SDK2: variants seen among roughly 807,000 people sequenced by gnomAD.
SDK2 encodes protein sidekick-2.
SDK2 carries 105 observed loss-of-function variants against 253.9 expected under a neutral mutation model. The observed-to-expected ratio is 0.41, with a 90% CI of 0.35 to 0.49. The LOEUF (loss-of-function observed/expected upper bound fraction) is 0.49, where lower values mean the gene tolerates loss of function less well. Ranked by LOEUF, SDK2 falls within the 20% of genes least tolerant of loss-of-function variation. SDK2 has a pLI of 0.06. For synonymous variants in SDK2, 1,249 were observed against 1,234.9 expected (o/e 1.01, Z -0.24); for missense variants, 2,608 against 3,003.0 (o/e 0.87, Z 3.07).
At chr17:73,359,170 T>C (rs1339469683) in intron 39 of SDK2, among the ~76,000 whole-genome samples, 1 of 151,756 alleles carries the variant, frequency 6.6e-6, no homozygotes, top group Non-Finnish European at 1.5e-5. Context: ...AGTGCATGAG[T>C]GGGTGGCCAC....
rs1255811061 is a variant in SDK2, at chr17:73,419,317, A to G, written c.2046-11T>C. The G allele has an allele frequency of 1.2e-6, 2 of 1,610,032 alleles. No individual in the cohort carries two copies. Among genetic ancestry groups the G allele is most frequent in the African/African-American group, 2.7e-5 (2 of 74,868 alleles). ...TCGGGGAGGGAGACCCTGGATCACA[A>G]AACACCAATGCTCTTAGTCTTGGGG... On this transcript the variant is annotated splice_polypyrimidine_tract_variant and intron_variant, in intron 15 of 44. Coordinates refer to ENST00000392650, the MANE Select transcript of SDK2 (RefSeq NM_001144952.2).
intron 3 of SDK2, among the ~76,000 whole-genome samples, chr17:73,461,754 A>T (rs2063563787): frequency 1.3e-5 from 2 of 152,142 alleles, no homozygotes; most frequent in African/African-American, 4.8e-5. Flanking sequence ...GGTTGTATGT[A>T]TGTACATTTG....
chr17:73,431,381 T>C lies in SDK2; in HGVS notation c.1480+121A>G. Reference sequence around the variant, plus strand: ...GAAGGGCCCTGACTGGGACAGACACTGGGGATGGAGACACTGGTGGTATGA... The same window carrying C: ...GAAGGGCCCTGACTGGGACAGACACCGGGGATGGAGACACTGGTGGTATGA... On this transcript the variant is annotated intron_variant, in intron 11 of 44. Transcript: ENST00000392650. This position sits in a 1 kb window ranked among gnomAD's most constrained non-coding sequence, Gnocchi z 5.6. 1 of 969,702 alleles carries C rather than the reference T, an allele frequency of 1.0e-6. No homozygotes were observed. The highest frequency in any genetic ancestry group is 1.9e-5 in the South Asian group (1 of 51,736). The allele number at this position is 969,702 out of a possible 1,614,324, so 60.1% of individuals were successfully genotyped here.
At chr17:73,439,844 C>A (rs542812022) in intron 6 of SDK2, among the ~76,000 whole-genome samples, 1 of 152,312 alleles carries the variant, frequency 6.6e-6, no homozygotes, top group South Asian at 2.1e-4. Context: ...CAGCTATCAT[C>A]CAGCTGGGTG....
intron 37 of SDK2, 123 bp downstream of exon 37, chr17:73,368,284 C>G: frequency 1.1e-6 from 1 of 901,344 alleles, no homozygotes; most frequent in Non-Finnish European, 1.6e-6. Flanking sequence ...GTACCACGAC[C>G]AGATCCTCAG....
At chr17:73,397,930 A>G (rs2062985254) in intron 24 of SDK2, 105 bp downstream of exon 24, 1 of 1,282,002 alleles carries the variant, frequency 7.8e-7, no homozygotes, top group Non-Finnish European at 1.1e-6. Flanking sequence ...CAGAAAACAG[A>G]AAGAGAGGAG....
intron 19 of SDK2, 83 bp downstream of exon 19, chr17:73,401,863 G>T: frequency 7.2e-7 from 1 of 1,393,016 alleles, no homozygotes; most frequent in Non-Finnish European, 9.9e-7. Flanking sequence ...TGGGAGACAA[G>T]CCTGGGCCAC....
intron 16 of SDK2, 107 bp from the exon 17 acceptor site, chr17:73,416,099 G>A (rs981292704): frequency 1.1e-5 from 11 of 1,035,978 alleles, no homozygotes; most frequent in Admixed American, 4.5e-5. Flanking sequence ...CGGTGGTGGC[G>A]GAAGTGCTCT....
chr17:73,596,559 AG>A (rs1336513283), intron 1 of SDK2, among the ~76,000 whole-genome samples: 1 of 152,166 alleles, frequency 6.6e-6, no homozygotes. Flanking sequence ...AGCCTCTGAA[AG>A]GGGGCGCTGG....
At chr17:73,426,250 A>G (rs1320684186) in intron 12 of SDK2, among the ~76,000 whole-genome samples, 3 of 51,810 alleles carry the variant, frequency 5.8e-5, no homozygotes, top group Admixed American at 5.3e-4. Context: ...TATTTTTAGT[A>G]GAGACGGGGC....
At chr17:73,610,963 CTG>C (rs2045967011) in intron 1 of SDK2, among the ~76,000 whole-genome samples, 1 of 152,178 alleles carries the variant, frequency 6.6e-6, no homozygotes, top group Non-Finnish European at 1.5e-5. Context: ...ACACAAGGAT[CTG>C]TCAGAAATGT....
chr17:73,371,070 A>T (rs1425558520), intron 36 of SDK2, among the ~76,000 whole-genome samples: 1 of 152,202 alleles, frequency 6.6e-6, no homozygotes, highest in African/African-American at 2.4e-5. Flanking sequence ...TCTCTAAAAT[A>T]ACATAAAAAT....
chr17:73,545,237 T>C (rs1479361865), intron 1 of SDK2, among the ~76,000 whole-genome samples: 2 of 151,970 alleles, frequency 1.3e-5, no homozygotes, highest in East Asian at 3.9e-4. Context: ...TGCAGGGAGC[T>C]TGCCCCTGCT....
At chr17:73,624,445 T>G (rs1257514361) in intron 1 of SDK2, among the ~76,000 whole-genome samples, 3 of 152,218 alleles carry the variant, frequency 2.0e-5, no homozygotes, top group Non-Finnish European at 4.4e-5. Context: ...GAGGTTGCAG[T>G]GAGCCGAGAT....
intron 2 of SDK2, among the ~76,000 whole-genome samples, chr17:73,475,496 T>A (rs944444354): frequency 6.6e-6 from 1 of 152,206 alleles, no homozygotes; most frequent in African/African-American, 2.4e-5. Context: ...CAAAAAAATA[T>A]GTGCAAGGCT....
intron 2 of SDK2, among the ~76,000 whole-genome samples, chr17:73,490,953 A>G (rs1460165255): frequency 6.6e-6 from 1 of 152,186 alleles, no homozygotes; most frequent in Non-Finnish European, 1.5e-5. Context: ...AGGAACAAAG[A>G]TGTTAAGGAA....
intron 1 of SDK2, among the ~76,000 whole-genome samples, chr17:73,631,474 TTC>T (rs2046269740): frequency 6.6e-6 from 1 of 152,178 alleles, no homozygotes; most frequent in African/African-American, 2.4e-5. Flanking sequence ...CCATTCTGGG[TTC>T]TGAGTCCTCA....
At position 73,337,766 on chromosome 17, in the gene SDK2, C is replaced by T. The variant is rs1157901344; in HGVS notation, c.*821G>A. The T allele has an allele frequency of 1.3e-5, 2 of 152,330 alleles. No individual in the cohort carries two copies. Among genetic ancestry groups the T allele is most frequent in the African/African-American group, 4.8e-5 (2 of 41,432 alleles). 9.4% of individuals were successfully genotyped at this position (152,330 alleles called of 1,614,324 possible). A position where few individuals can be genotyped will look rare whatever the true frequency, so the allele number is the denominator to read the frequency against. The stretch of plus-strand genomic sequence containing the variant: ...TACACCTCTGCTCCCCAGACTTCAC[C>T]TTTCCTTGTCCATGCTCAGGAAAGT... On this transcript the variant is annotated 3_prime_UTR_variant, in exon 45 of 45. Coordinates refer to ENST00000392650, the MANE Select transcript of SDK2 (RefSeq NM_001144952.2).
chr17:73,528,474 T>C (rs1315153385), intron 1 of SDK2, among the ~76,000 whole-genome samples: 1 of 152,192 alleles, frequency 6.6e-6, no homozygotes, highest in Non-Finnish European at 1.5e-5. Flanking sequence ...AGCGATGCAG[T>C]GAGGCTGAGG....
Sources: gnomAD v4.1 joint callset for allele counts (sites outside exome capture counted in the v4.1 genomes callset) on GRCh38, gnomAD v4.1.1 for gene constraint, Gnocchi (gnomAD v3.1) non-coding constraint, MANE v1.5 for transcripts, NCBI Gene and HGNC (gene_info 2026-07-23, HGNC 2026-07-21) for gene names.